ANKRD6: variants seen among roughly 807,000 people sequenced by gnomAD.
ANKRD6 encodes ankyrin repeat domain-containing protein 6.
In ANKRD6, 56 loss-of-function variants were observed where a neutral mutation model predicts 82.3. The observed-to-expected ratio is 0.68, with a 90% confidence interval of 0.55 to 0.85. The LOEUF is 0.85. ANKRD6 is among the 40% of genes least tolerant of loss of function. The probability of loss-of-function intolerance (pLI) is 0.00; values close to 1 mark genes in which losing one functional copy is unlikely to be tolerated. For missense variants in ANKRD6, 852 were observed against 907.6 expected, an observed-to-expected ratio of 0.94 and a Z score of 0.79; for synonymous variants, 347 against 352.1, an observed-to-expected ratio of 0.99 and a Z score of 0.16.
chr6:89,514,911 A>C (rs1263194964), intron 1 of ANKRD6, among the ~76,000 whole-genome samples: 1 of 152,158 alleles, frequency 6.6e-6, no homozygotes, highest in Non-Finnish European at 1.5e-5. Context: ...TGGGCGTAGT[A>C]GTTTTACTTC....
At position 89,630,560 on chromosome 6, in the gene ANKRD6, T is replaced by C. The variant is rs1807173658; in HGVS notation, c.1740T>C (p.Ser580=). 2 of 1,613,958 alleles carry C rather than the reference T, an allele frequency of 1.2e-6. No individual in the cohort carries two copies. Among genetic ancestry groups the C allele is most frequent in the Non-Finnish European group, 1.7e-6 (2 of 1,179,844 alleles). ...AGAGACTCCAGCAGGAGCTGTCGTC[T>C]TCTGACTGTACAGGCTCCCGACTGA... ...ATQRLQQELS[S]SDCTGSRLRN... Residue 580 remains serine, a synonymous_variant, in exon 16 of 16, where the codon TCT becomes TCC. Coordinates refer to ENST00000339746, the MANE Select transcript of ANKRD6 (RefSeq NM_001242809.2).
chr6:89,524,643 G>A (rs559695837), intron 1 of ANKRD6, among the ~76,000 whole-genome samples: 6 of 152,232 alleles, frequency 3.9e-5, no homozygotes, highest in African/African-American at 1.4e-4. Context: ...TGGGCATTTA[G>A]GCTGGTTTCA....
intron 1 of ANKRD6, among the ~76,000 whole-genome samples, chr6:89,510,248 A>G (rs935826449): frequency 1.3e-5 from 2 of 152,208 alleles, no homozygotes; most frequent in African/African-American, 4.8e-5. Context: ...TTATTTAGCC[A>G]CTGAGATTTG....
intron 1 of ANKRD6, among the ~76,000 whole-genome samples, chr6:89,532,004 A>G (rs1260159419): frequency 2.0e-5 from 3 of 152,198 alleles, no homozygotes; most frequent in African/African-American, 4.8e-5. Context: ...TGTAGAACCA[A>G]CGAGGAAGAG....
At chr6:89,489,625 A>G (rs1339143623) in intron 1 of ANKRD6, among the ~76,000 whole-genome samples, 1 of 152,236 alleles carries the variant, frequency 6.6e-6, no homozygotes, top group Non-Finnish European at 1.5e-5. Flanking sequence ...CTACCTTAGG[A>G]TTGTATCAGG....
At chr6:89,459,182 G>C (rs1437411333) in intron 1 of ANKRD6, among the ~76,000 whole-genome samples, 2 of 152,078 alleles carry the variant, frequency 1.3e-5, no homozygotes, top group Non-Finnish European at 2.9e-5. Context: ...GGGTTCAAAC[G>C]ATTCTCCTGC....
intron 1 of ANKRD6, among the ~76,000 whole-genome samples, chr6:89,451,217 G>C (rs529163301): frequency 1.3e-3 from 191 of 152,300 alleles, no homozygotes; most frequent in African/African-American, 4.3e-3. Flanking sequence ...GCTGAAATGG[G>C]AGGACTGCTT....
At chr6:89,475,359 A>C (rs983446957) in intron 1 of ANKRD6, among the ~76,000 whole-genome samples, 1 of 152,224 alleles carries the variant, frequency 6.6e-6, no homozygotes, top group Non-Finnish European at 1.5e-5. Context: ...TTCAAATTAA[A>C]TAGTTGCCAT....
chr6:89,588,599 G>A (rs796240400), intron 2 of ANKRD6, among the ~76,000 whole-genome samples: 1 of 152,228 alleles, frequency 6.6e-6, no homozygotes, highest in African/African-American at 2.4e-5. Context: ...TATTGTTTGA[G>A]CCAATGAGTC....
chr6:89,564,151 T>C (rs1186116673), intron 1 of ANKRD6, among the ~76,000 whole-genome samples: 2 of 152,124 alleles, frequency 1.3e-5, no homozygotes, highest in Non-Finnish European at 2.9e-5. Flanking sequence ...ATTGGAAAGC[T>C]GGGGTTCTGT....
chr6:89,460,396 A>G (rs1241290445), intron 1 of ANKRD6, among the ~76,000 whole-genome samples: 2 of 152,076 alleles, frequency 1.3e-5, no homozygotes, highest in Non-Finnish European at 2.9e-5. Flanking sequence ...CAAAATTTTG[A>G]AAGTAAGTTT....
chr6:89,541,337 T>C (rs564144039), intron 1 of ANKRD6, among the ~76,000 whole-genome samples: 1 of 151,822 alleles, frequency 6.6e-6, no homozygotes. Flanking sequence ...TATAGAGATC[T>C]TTCACTTCTT....
At chr6:89,461,605 A>G (rs1407385961) in intron 1 of ANKRD6, among the ~76,000 whole-genome samples, 1 of 152,218 alleles carries the variant, frequency 6.6e-6, no homozygotes, top group Non-Finnish European at 1.5e-5. Flanking sequence ...TTTGCTAAAT[A>G]AAGAGGCTTT....
chr6:89,514,261 C>T (rs1051786772), intron 1 of ANKRD6, among the ~76,000 whole-genome samples: 12 of 152,044 alleles, frequency 7.9e-5, no homozygotes, highest in Middle Eastern at 3.2e-3. Flanking sequence ...ACCCGTAATC[C>T]GAGCTACTTG....
At chr6:89,563,369 T>C (rs1215882899) in intron 1 of ANKRD6, among the ~76,000 whole-genome samples, 2 of 152,226 alleles carry the variant, frequency 1.3e-5, no homozygotes, top group African/African-American at 2.4e-5. Flanking sequence ...TGCATACTTA[T>C]GCTCATGTGT....
At chr6:89,590,735 G>A (rs190524320) in intron 2 of ANKRD6, among the ~76,000 whole-genome samples, 10 of 152,116 alleles carry the variant, frequency 6.6e-5, no homozygotes, top group South Asian at 4.2e-4. Flanking sequence ...GAAAGCATGC[G>A]GCTGAGCTCA....
chr6:89,523,892 C>A (rs1001529986), intron 1 of ANKRD6, among the ~76,000 whole-genome samples: 3 of 152,086 alleles, frequency 2.0e-5, no homozygotes, highest in African/African-American at 7.2e-5. Context: ...ATAATCCTAA[C>A]AGCAAATTCT....
At chr6:89,610,776 A>C (rs1436220835) in intron 5 of ANKRD6, among the ~76,000 whole-genome samples, 5 of 148,726 alleles carry the variant, frequency 3.4e-5, no homozygotes, top group Non-Finnish European at 7.4e-5. Flanking sequence ...AACTATAAAC[A>C]AACGAAAAAG....
chr6:89,439,049 G>T (rs1482563105), intron 1 of ANKRD6, among the ~76,000 whole-genome samples: 2 of 152,128 alleles, frequency 1.3e-5, no homozygotes, highest in Admixed American at 1.3e-4. Context: ...ATAGTGGAGG[G>T]TGTGGAGAAG....
Sources: gnomAD v4.1 joint callset for allele counts (sites outside exome capture counted in the v4.1 genomes callset) on GRCh38, gnomAD v4.1.1 for gene constraint, MANE v1.5 for transcripts, NCBI Gene and HGNC (gene_info 2026-07-23, HGNC 2026-07-21) for gene names.